Variants in CNTNAP5 observed in about 807,000 individuals in gnomAD.
The protein encoded by CNTNAP5 is contactin associated protein family member 5, also known as contactin-associated protein-like 5.
Under a neutral mutation model 150.2 loss-of-function variants are expected in CNTNAP5, and 72 were observed. The ratio of observed to expected loss-of-function variants is 0.48; its 90% CI spans 0.40 to 0.58. The LOEUF is 0.58. CNTNAP5 is among the 20% of genes least tolerant of loss of function. The pLI is 0.00. For missense variants in CNTNAP5, 1,636 were observed against 1,626.2 expected (o/e 1.01, Z -0.10); for synonymous variants, 672 against 619.8 (o/e 1.08, Z -1.25).
intron 3 of CNTNAP5, among the ~76,000 whole-genome samples, chr2:124,359,141 G>A (rs562136241): frequency 2.6e-4 from 40 of 152,200 alleles, no homozygotes; most frequent in Admixed American, 7.2e-4. Context: ...CTGTGGGATC[G>A]GCGGTGATAT....
intron 6 of CNTNAP5, among the ~76,000 whole-genome samples, chr2:124,450,786 G>C (rs949151921): frequency 2.0e-5 from 3 of 151,222 alleles, no homozygotes; most frequent in African/African-American, 4.9e-5. Context: ...ATCCAAGAAG[G>C]CTTTTCTTAT....
In CNTNAP5 at chr2:124,720,526, GA is replaced by G. The variant is rs902675587; in HGVS notation, c.2078-26694del. On this transcript the variant is annotated intron_variant, in intron 13 of 23. Coordinates refer to ENST00000682447, the MANE Select transcript of CNTNAP5 (RefSeq NM_001367498.1). ...AAAAAGAACCTTCTTTGCATCCCAA[GA>G]AAAAAAAATGACTCAGAAAATCACT... 9.5e-4 allele frequency among the ~76,000 whole-genome samples: 143 copies of G among 150,586 alleles called. 1 individual carries two copies. Among genetic ancestry groups the G allele is most frequent in the African/African-American group, 2.7e-3 (113 of 41,100 alleles).
intron 4 of CNTNAP5, among the ~76,000 whole-genome samples, chr2:124,419,904 CTTT>C (rs1692042185): frequency 9.7e-6 from 1 of 102,926 alleles, no homozygotes; most frequent in Non-Finnish European, 1.9e-5. Context: ...GGTTTTCTTT[CTTT>C]CTTTCTTTCT....
intron 13 of CNTNAP5, among the ~76,000 whole-genome samples, chr2:124,648,309 T>G (rs141032601): frequency 5.3e-5 from 8 of 151,980 alleles, no homozygotes; most frequent in African/African-American, 1.9e-4. Flanking sequence ...AAATGCTAGT[T>G]TGGGGAGAGA....
chr2:124,197,999 A>T (rs1034282886), intron 1 of CNTNAP5, among the ~76,000 whole-genome samples: 41 of 151,666 alleles, frequency 2.7e-4, no homozygotes, highest in Middle Eastern at 6.8e-3. Context: ...ATAAAAATAA[A>T]AATAATAATA....
intron 3 of CNTNAP5, among the ~76,000 whole-genome samples, chr2:124,308,271 A>G (rs1035661817): frequency 6.6e-6 from 1 of 151,718 alleles, no homozygotes; most frequent in Non-Finnish European, 1.5e-5. Flanking sequence ...CTAAACTGCC[A>G]GTCTTGGTCA....
chr2:124,275,806 T>A (rs1200096566), intron 3 of CNTNAP5, among the ~76,000 whole-genome samples: 1 of 152,160 alleles, frequency 6.6e-6, no homozygotes. Context: ...GCTTACTCAA[T>A]TTCAGACTTC....
At chr2:124,272,880 T>C (rs914941687) in intron 3 of CNTNAP5, among the ~76,000 whole-genome samples, 6 of 152,198 alleles carry the variant, frequency 3.9e-5, no homozygotes, top group African/African-American at 1.4e-4. Flanking sequence ...AAGTAAAGAA[T>C]TCAATGCATG....
At chr2:124,530,231 A>G (rs1695073096) in intron 10 of CNTNAP5, among the ~76,000 whole-genome samples, 1 of 152,096 alleles carries the variant, frequency 6.6e-6, no homozygotes, top group African/African-American at 2.4e-5. Flanking sequence ...AATCCCTTGA[A>G]CCCAGGAGAT....
intron 2 of CNTNAP5, among the ~76,000 whole-genome samples, chr2:124,222,269 ATTC>A (rs1686340653): frequency 6.6e-6 from 1 of 152,146 alleles, no homozygotes; most frequent in African/African-American, 2.4e-5. Context: ...ATAATCTGTT[ATTC>A]TACCAGCTAG....
intron 3 of CNTNAP5, among the ~76,000 whole-genome samples, chr2:124,345,204 T>C (rs987609463): frequency 6.6e-6 from 1 of 152,216 alleles, no homozygotes; most frequent in Non-Finnish European, 1.5e-5. Flanking sequence ...CTTTAAGCCA[T>C]AGAACATTTT....
chr2:124,321,070 C>G (rs1689085881), intron 3 of CNTNAP5, among the ~76,000 whole-genome samples: 3 of 152,020 alleles, frequency 2.0e-5, no homozygotes, highest in Admixed American at 2.0e-4. Context: ...CAGCATAGCT[C>G]CACAGAGGAT....
chr2:124,126,972 T>C (rs1683720542), intron 1 of CNTNAP5, among the ~76,000 whole-genome samples: 1 of 152,178 alleles, frequency 6.6e-6, no homozygotes, highest in African/African-American at 2.4e-5. Context: ...GGGCAAAAAC[T>C]GGGAGCATTC....
At chr2:124,210,705 C>T (rs1685984833) in intron 1 of CNTNAP5, among the ~76,000 whole-genome samples, 1 of 152,118 alleles carries the variant, frequency 6.6e-6, no homozygotes, top group African/African-American at 2.4e-5. Context: ...GACTCTCTTG[C>T]CCAAAACAGT....
chr2:124,530,373 A>AT (rs1695077675), intron 10 of CNTNAP5, among the ~76,000 whole-genome samples: 2 of 152,158 alleles, frequency 1.3e-5, no homozygotes, highest in Non-Finnish European at 2.9e-5. Context: ...TGAGGCACAA[A>AT]TGTTCCAAAA....
chr2:124,386,246 A>T (rs181058105), intron 3 of CNTNAP5, among the ~76,000 whole-genome samples: 16 of 152,360 alleles, frequency 1.1e-4, no homozygotes, highest in African/African-American at 2.4e-4. Context: ...TGTGAAGGTC[A>T]TTGGCCAGTA....
rs528448428 is a variant in CNTNAP5 at position 124,439,703 on chromosome 2, T to C, written c.733+5016T>C. On this transcript the variant is annotated intron_variant, in intron 5 of 23. Transcript: ENST00000682447. ...GTCCGTTTCTTATTTTCTTCAGGGCTCTCACTTGGATACTTAGGAGACCAT... is the reference window on the plus strand; with the variant it reads ...GTCCGTTTCTTATTTTCTTCAGGGCCCTCACTTGGATACTTAGGAGACCAT... Among the ~76,000 whole-genome samples, 6 of 152,246 alleles carry C rather than the reference T, an allele frequency of 3.9e-5. No homozygotes were observed. In the East Asian group the frequency reaches 1.2e-3, roughly 29 times the overall value.
chr2:124,845,977 G>T (rs1254669749), intron 19 of CNTNAP5, among the ~76,000 whole-genome samples: 3 of 148,828 alleles, frequency 2.0e-5, no homozygotes, highest in South Asian at 2.1e-4. Flanking sequence ...TGTCATTTTT[G>T]TTGTTGTTGT....
intron 1 of CNTNAP5, among the ~76,000 whole-genome samples, chr2:124,123,269 G>A (rs957352472): frequency 1.1e-4 from 16 of 152,254 alleles, no homozygotes; most frequent in Middle Eastern, 3.4e-3. Context: ...TGCCTGGCTC[G>A]GAGGGTCCCA....
Sources: allele counts gnomAD v4.1 joint callset (sites outside exome capture counted in the v4.1 genomes callset), GRCh38; gene constraint gnomAD v4.1.1; transcripts MANE v1.5; gene names NCBI Gene and HGNC (gene_info 2026-07-23, HGNC 2026-07-21).